The following PTPN13 variants were observed in gnomAD, a reference collection of about 807,000 sequenced individuals.
PTPN13 encodes the protein tyrosine-protein phosphatase non-receptor type 13.
PTPN13 carries 191 observed loss-of-function variants against 284.0 expected under a neutral mutation model. The ratio of observed to expected loss-of-function variants is 0.67; its 90% CI spans 0.60 to 0.76. The LOEUF (loss-of-function observed/expected upper bound fraction) is 0.76, where lower values mean the gene tolerates loss of function less well. Among genes scored for constraint, PTPN13 ranks in the 30% least tolerant of loss-of-function variants. PTPN13 has a pLI of 0.00. For missense variants in PTPN13, 2,797 were observed against 2,939.9 expected (o/e 0.95, Z 1.12); for synonymous variants, 986 against 1,022.3 (o/e 0.96, Z 0.68).
chr4:86,658,870 G>T (rs937872304), intron 2 of PTPN13, among the ~76,000 whole-genome samples: 3 of 152,018 alleles, frequency 2.0e-5, no homozygotes, highest in Non-Finnish European at 4.4e-5. Flanking sequence ...CCATAAACAA[G>T]GAGAAGGTTT....
intron 2 of PTPN13, among the ~76,000 whole-genome samples, chr4:86,659,371 C>A (rs1317969169): frequency 1.3e-5 from 2 of 151,992 alleles, no homozygotes; most frequent in Non-Finnish European, 2.9e-5. Context: ...ATTTATATTT[C>A]ATAAAAAATA....
chr4:86,759,085 G>A lies in PTPN13; in HGVS notation c.3553+12G>A, dbSNP rs1184036469. On this transcript the variant is annotated intron_variant, in intron 23 of 47. Coordinates refer to ENST00000411767, the MANE Select transcript of PTPN13 (RefSeq NM_080683.3). ...AAAGATATCCAAAGGTAATGTGAAT[G>A]TCTCTTACTTATGTATTCTGTTTCA... 6.2e-7 allele frequency: 1 copy of A among 1,609,654 alleles called. No homozygotes were observed. Among genetic ancestry groups the A allele is most frequent in the Non-Finnish European group, 8.5e-7 (1 of 1,178,164 alleles).
intron 7 of PTPN13, 57 bp from the exon 8 acceptor site, chr4:86,716,473 T>C: frequency 1.0e-6 from 1 of 1,004,368 alleles, no homozygotes; most frequent in Admixed American, 2.9e-5. Context: ...AATATTTTGA[T>C]TTATGTGGAA....
At chr4:86,693,545 A>T in intron 5 of PTPN13, 42 bp from the exon 6 acceptor site, 1 of 1,296,010 alleles carries the variant, frequency 7.7e-7, no homozygotes, top group Non-Finnish European at 1.1e-6. Flanking sequence ...AACAAAAGGG[A>T]GATCCTTTTG....
chr4:86,735,864 T>C (rs929492089), intron 15 of PTPN13, 118 bp downstream of exon 15: 4 of 859,924 alleles, frequency 4.7e-6, no homozygotes, highest in Non-Finnish European at 6.8e-6. Context: ...CATAATCTCA[T>C]CTCATTGCTG....
At chr4:86,652,982 G>T (rs901180289) in intron 2 of PTPN13, among the ~76,000 whole-genome samples, 2 of 151,346 alleles carry the variant, frequency 1.3e-5, no homozygotes, top group Non-Finnish European at 2.9e-5. Flanking sequence ...ATAGCCTGTT[G>T]TTGAGCTCAT....
intron 9 of PTPN13, among the ~76,000 whole-genome samples, chr4:86,720,100 A>G (rs755736579): frequency 2.6e-5 from 4 of 152,170 alleles, no homozygotes; most frequent in Non-Finnish European, 4.4e-5. Context: ...ACTTTAGCCA[A>G]TTGAAAACTC....
At chr4:86,618,145 G>T (rs1485769257) in intron 1 of PTPN13, among the ~76,000 whole-genome samples, 4 of 152,068 alleles carry the variant, frequency 2.6e-5, no homozygotes, top group African/African-American at 9.6e-5. Flanking sequence ...TTCTACATAT[G>T]GCTAGCCAGT....
chr4:86,798,481 G>C (rs570964234), intron 41 of PTPN13, among the ~76,000 whole-genome samples: 77 of 152,298 alleles, frequency 5.1e-4, no homozygotes, highest in African/African-American at 1.6e-3. Flanking sequence ...AGTTAAAAAC[G>C]TATTCAGGCT....
intron 2 of PTPN13, among the ~76,000 whole-genome samples, chr4:86,660,630 GT>G (rs1271951907): frequency 6.6e-6 from 1 of 152,046 alleles, no homozygotes; most frequent in Non-Finnish European, 1.5e-5. Context: ...GAATTAACAT[GT>G]CCTTAAGTTA....
intron 4 of PTPN13, among the ~76,000 whole-genome samples, chr4:86,687,912 A>G (rs979115360): frequency 2.0e-5 from 3 of 152,152 alleles, no homozygotes; most frequent in African/African-American, 7.2e-5. Context: ...TATTTTGGAA[A>G]TATTTAATAT....
intron 1 of PTPN13, chr4:86,595,895 C>T: frequency 2.2e-6 from 1 of 445,420 alleles, no homozygotes; most frequent in Non-Finnish European, 3.0e-6. Context: ...TAGGTATTTT[C>T]CTAAAGTCTT....
In PTPN13 at chr4:86,693,690, T is replaced by C. The variant is rs772375095; in HGVS notation, c.634+16T>C. ...TTACCAACAGGTAAGAGTATATTAA[T>C]AGGAAATGTCTAGGCTTTAACCTTA... On this transcript the variant is annotated intron_variant, in intron 6 of 47. Transcript: ENST00000411767. 5 of 1,512,776 alleles carry C rather than the reference T, an allele frequency of 3.3e-6. No homozygotes were observed. In the South Asian group the frequency reaches 6.2e-5, roughly 19 times the overall value. The allele number at this position is 1,512,776 out of a possible 1,614,324, so 93.7% of individuals were successfully genotyped here.
At chr4:86,723,488 A>T (rs532840217) in intron 10 of PTPN13, among the ~76,000 whole-genome samples, 1 of 152,132 alleles carries the variant, frequency 6.6e-6, no homozygotes, top group Admixed American at 6.6e-5. Flanking sequence ...CTGTGGAAAA[A>T]TTTTCTTCCA....
chr4:86,762,629 T>G, intron 23 of PTPN13, 98 bp from the exon 24 acceptor site: 1 of 963,196 alleles, frequency 1.0e-6, no homozygotes. Flanking sequence ...GTGTCATCCT[T>G]ATAAAATCCT....
chr4:86,625,790 T>C (rs945943399), intron 1 of PTPN13, among the ~76,000 whole-genome samples: 2 of 152,180 alleles, frequency 1.3e-5, no homozygotes, highest in African/African-American at 4.8e-5. Context: ...GTTTACAACG[T>C]GAAAGGAATC....
intron 2 of PTPN13, among the ~76,000 whole-genome samples, chr4:86,670,482 T>G (rs1392872462): frequency 6.6e-6 from 1 of 151,076 alleles, no homozygotes; most frequent in Non-Finnish European, 1.5e-5. Context: ...AGAGTCCTCT[T>G]TTTCTGTCAC....
At position 86,729,170 on chromosome 4, in the gene PTPN13, C is replaced by G. The variant is rs547486949; in HGVS notation, c.1609-3230C>G. 7.4e-5 allele frequency among the ~76,000 whole-genome samples: 11 copies of G among 149,436 alleles called. 1 individual carries two copies. The highest frequency in any genetic ancestry group is 1.7e-4 in the Non-Finnish European group (11 of 66,610). On this transcript the variant is annotated intron_variant, in intron 10 of 47. Coordinates refer to ENST00000411767, the MANE Select transcript of PTPN13 (RefSeq NM_080683.3). ...CTTTAAGAATGTTGAATATTGGCCCCCACTCTCTTCTGGCTTGTAGGGTTT... is the reference window on the plus strand; with the variant it reads ...CTTTAAGAATGTTGAATATTGGCCCGCACTCTCTTCTGGCTTGTAGGGTTT...
chr4:86,802,516 A>G (rs1744147576), intron 42 of PTPN13, among the ~76,000 whole-genome samples: 1 of 152,172 alleles, frequency 6.6e-6, no homozygotes, highest in South Asian at 2.1e-4. Context: ...TTTAGAAACT[A>G]TAAATAAATG....
Sources: allele counts gnomAD v4.1 joint callset (sites outside exome capture counted in the v4.1 genomes callset), GRCh38; gene constraint gnomAD v4.1.1; transcripts MANE v1.5; gene names NCBI Gene and HGNC (gene_info 2026-07-23, HGNC 2026-07-21).